The following AKAP19 variants were observed in gnomAD, a reference collection of about 807,000 sequenced individuals.
AKAP19 encodes the protein small A-kinase anchoring protein.
the AKAP19 span, among the ~76,000 whole-genome samples, chr2:189,956,683 A>G: frequency 6.6e-5 from 10 of 152,274 alleles, no homozygotes; most frequent in African/African-American, 2.4e-4. Context: ...GGCTCAAGCA[A>G]TCCTCCTGCC....
At chr2:189,899,627 A>G in the AKAP19 span, among the ~76,000 whole-genome samples, 5 of 152,178 alleles carry the variant, frequency 3.3e-5, no homozygotes, top group African/African-American at 1.2e-4. Context: ...CAGTGTATGA[A>G]TGTGCATACA....
At chr2:190,180,794 C>T in the AKAP19 span, 7 of 985,162 alleles carry the variant, frequency 7.1e-6, no homozygotes, top group African/African-American at 5.2e-5. This position sits in a 1 kb window ranked among gnomAD's most constrained non-coding sequence, Gnocchi z 6.8. Flanking sequence ...GAGCGCGCGG[C>T]GGGCGCGGCG....
At chr2:189,983,425 G>A in the AKAP19 span, among the ~76,000 whole-genome samples, 10 of 152,182 alleles carry the variant, frequency 6.6e-5, no homozygotes, top group South Asian at 1.2e-3. Context: ...AGCTACCAGG[G>A]CTCACTTTCA....
At chr2:190,011,435 A>T in the AKAP19 span, among the ~76,000 whole-genome samples, 3 of 152,000 alleles carry the variant, frequency 2.0e-5, no homozygotes, top group East Asian at 3.9e-4. Flanking sequence ...TTTTTACATG[A>T]TGTAATTTTT....
chr2:190,170,608 A>G, the AKAP19 span, among the ~76,000 whole-genome samples: 1 of 152,190 alleles, frequency 6.6e-6, no homozygotes, highest in Admixed American at 6.5e-5. Context: ...GGACCCAAAG[A>G]TGGACTATGT....
chr2:189,965,866 C>T, the AKAP19 span, among the ~76,000 whole-genome samples: 41 of 152,116 alleles, frequency 2.7e-4, no homozygotes, highest in Admixed American at 1.3e-3. Context: ...TAGAAGCACA[C>T]TTTGCAATTG....
the AKAP19 span, among the ~76,000 whole-genome samples, chr2:189,897,300 A>G: frequency 1.8e-4 from 28 of 152,192 alleles, no homozygotes; most frequent in African/African-American, 5.5e-4. Flanking sequence ...ACCTTGTTAT[A>G]TATAATTTTT....
the AKAP19 span, among the ~76,000 whole-genome samples, chr2:190,140,320 C>A: frequency 1.3e-5 from 2 of 152,174 alleles, no homozygotes; most frequent in African/African-American, 2.4e-5. Flanking sequence ...GGACAGTGGT[C>A]CTCTTCTCAC....
chr2:190,144,084 G>A, the AKAP19 span, among the ~76,000 whole-genome samples: 2 of 149,644 alleles, frequency 1.3e-5, no homozygotes, highest in Non-Finnish European at 3.0e-5. Context: ...TGACGAGTTA[G>A]TGGGTGCAGC....
chr2:190,090,675 T>A, the AKAP19 span, among the ~76,000 whole-genome samples: 5 of 152,178 alleles, frequency 3.3e-5, no homozygotes, highest in African/African-American at 1.2e-4. Context: ...TGCCTGATCA[T>A]GTGTGAAAGA....
the AKAP19 span, among the ~76,000 whole-genome samples, chr2:190,100,639 G>C: frequency 6.6e-6 from 1 of 152,148 alleles, no homozygotes; most frequent in Non-Finnish European, 1.5e-5. Flanking sequence ...ATATGCACAG[G>C]GGTGAAGGAA....
the AKAP19 span, chr2:190,060,096 G>A: frequency 2.7e-5 from 43 of 1,612,586 alleles, no homozygotes; most frequent in Admixed American, 8.3e-5. Context: ...GAAGGTTACA[G>A]CAAGATCATG....
chr2:190,051,563 A>T, the AKAP19 span, among the ~76,000 whole-genome samples: 1 of 152,168 alleles, frequency 6.6e-6, no homozygotes, highest in Non-Finnish European at 1.5e-5. Context: ...CTCCCATAAG[A>T]AACTTACTTG....
the AKAP19 span, among the ~76,000 whole-genome samples, chr2:189,923,007 C>A: frequency 6.6e-6 from 1 of 151,938 alleles, no homozygotes; most frequent in Non-Finnish European, 1.5e-5. Flanking sequence ...AAAAATTAGC[C>A]GGGTATGGCA....
At chr2:190,171,472 C>T in the AKAP19 span, among the ~76,000 whole-genome samples, 2 of 143,936 alleles carry the variant, frequency 1.4e-5, no homozygotes, top group African/African-American at 5.2e-5. Flanking sequence ...TATAATCAAT[C>T]TGCATTGTAA....
At chr2:190,111,998 C>T in the AKAP19 span, among the ~76,000 whole-genome samples, 3 of 152,112 alleles carry the variant, frequency 2.0e-5, no homozygotes, top group Non-Finnish European at 2.9e-5. Flanking sequence ...CCTGGGTTCA[C>T]GCCATTCTCC....
the AKAP19 span, among the ~76,000 whole-genome samples, chr2:190,146,506 G>A: frequency 6.6e-6 from 1 of 152,076 alleles, no homozygotes; most frequent in African/African-American, 2.4e-5. Context: ...TTTTCCTCTG[G>A]GTAGATACCC....
the AKAP19 span, among the ~76,000 whole-genome samples, chr2:190,178,662 T>C: frequency 6.6e-6 from 1 of 152,192 alleles, no homozygotes; most frequent in African/African-American, 2.4e-5. The surrounding 1 kb of genome is among the most constrained non-coding windows in gnomAD (Gnocchi z 6.3). Flanking sequence ...TGGCTCGGTG[T>C]GTAGGCCTCG....
At chr2:190,077,445 A>ATGT in the AKAP19 span, among the ~76,000 whole-genome samples, 3 of 120,398 alleles carry the variant, frequency 2.5e-5, no homozygotes, top group African/African-American at 6.1e-5. Flanking sequence ...AACATTTAAA[A>ATGT]TGTTAACATG....
Sources: allele counts gnomAD v4.1 joint callset (sites outside exome capture counted in the v4.1 genomes callset), GRCh38; gene constraint gnomAD v4.1.1; non-coding constraint Gnocchi (gnomAD v3.1); transcripts MANE v1.5; gene names NCBI Gene and HGNC (gene_info 2026-07-23, HGNC 2026-07-21).